Variants in PLXND1 observed in about 807,000 individuals in gnomAD.
PLXND1 encodes the protein plexin D1, also known as plexin-D1.
A neutral mutation model predicts 197.7 loss-of-function variants in PLXND1; 54 were observed. That is an observed-to-expected ratio of 0.27 (90% CI 0.22 to 0.34). The LOEUF (loss-of-function observed/expected upper bound fraction) is 0.34, where lower values mean the gene tolerates loss of function less well. Among genes scored for constraint, PLXND1 ranks in the 10% least tolerant of loss-of-function variants. PLXND1 has a pLI of 1.00. For missense variants in PLXND1, 2,127 were observed against 2,699.2 expected (o/e 0.79, Z 4.70); for synonymous variants, 1,180 against 1,161.2 (o/e 1.02, Z -0.33).
intron 1 of PLXND1, among the ~76,000 whole-genome samples, chr3:129,597,492 C>CA (rs1553793536): frequency 5.3e-5 from 8 of 152,092 alleles, no homozygotes; most frequent in South Asian, 2.1e-4. Context: ...GGCCCCCCCC[C>CA]ATTATTTACC....
At chr3:129,593,216 G>T (rs1244260623) in intron 1 of PLXND1, among the ~76,000 whole-genome samples, 1 of 152,006 alleles carries the variant, frequency 6.6e-6, no homozygotes, top group Non-Finnish European at 1.5e-5. Context: ...CGCATTCAAG[G>T]CCTTCGTGCC....
intron 1 of PLXND1, among the ~76,000 whole-genome samples, chr3:129,597,010 C>T (rs551703665): frequency 1.3e-5 from 2 of 152,366 alleles, no homozygotes; most frequent in Non-Finnish European, 2.9e-5. Flanking sequence ...AGTAACAGTT[C>T]GGTAGAGTGA....
chr3:129,562,611 T>C, intron 27 of PLXND1, 176 bp downstream of exon 27: 1 of 574,564 alleles, frequency 1.7e-6, no homozygotes, highest in Non-Finnish European at 3.0e-6. Flanking sequence ...TCACTCACAC[T>C]GCAGGACTTG....
chr3:129,569,786 G>T, intron 20 of PLXND1, 57 bp downstream of exon 20: 1 of 942,818 alleles, frequency 1.1e-6, no homozygotes, highest in Non-Finnish European at 1.7e-6. Context: ...CTTCAGAGGG[G>T]CTGGGGCAAG....
intron 2 of PLXND1, 36 bp downstream of exon 2, chr3:129,589,314 AC>A (rs770915612): frequency 4.5e-5 from 16 of 353,824 alleles, no homozygotes; most frequent in South Asian, 3.5e-4. Flanking sequence ...GGAGCCTCCC[AC>A]CCCCACCCCC....
intron 1 of PLXND1, among the ~76,000 whole-genome samples, chr3:129,596,904 C>G (rs1044697908): frequency 6.6e-6 from 1 of 152,144 alleles, no homozygotes; most frequent in African/African-American, 2.4e-5. Context: ...ATTCCATGAG[C>G]TGGGGACACA....
In PLXND1 at chr3:129,556,913, ACT is replaced by A. The variant is rs894202646; in HGVS notation, c.5586+168_5586+169del. The A allele has an allele frequency of 1.6e-4, 122 of 786,794 alleles. No homozygotes were observed. The African/African-American group carries it at 2.1e-3, about 13-fold the overall frequency. 48.7% of individuals were successfully genotyped at this position (786,794 alleles called of 1,614,324 possible). A position where few individuals can be genotyped will look rare whatever the true frequency, so the allele number is the denominator to read the frequency against. The stretch of plus-strand genomic sequence containing the variant: ...GTGCTCTCCTGCCCCCGCTCCTCAA[ACT>A]CTGGGAAAATGCATGACGAATTTGC... On this transcript the variant is annotated intron_variant, in intron 34 of 35. Transcript: ENST00000324093.
At chr3:129,566,130 AC>A in intron 23 of PLXND1, 113 bp from the exon 24 acceptor site, 3 of 1,087,324 alleles carry the variant, frequency 2.8e-6, no homozygotes, top group Non-Finnish European at 4.1e-6. Flanking sequence ...GGAGCTCATT[AC>A]CTTCCACGGT....
chr3:129,571,135 G>A lies in PLXND1; in HGVS notation c.3505C>T (p.Arg1169Cys), dbSNP rs144843366. The A allele has an allele frequency of 0.012, 19,638 of 1,614,198 alleles. 147 individuals are homozygous for A. The highest frequency in any genetic ancestry group is 0.014 in the Non-Finnish European group (16,484 of 1,180,034). ...TGTGGGTTGGGGAGGTAGTCCAGGC[G>A]GAACCTGCTGCCCCGCTGTGCCTCC... ...PEEAQRGSRF[R>C]LDYLPNPQFS... Residue 1169 changes from arginine (R) to cysteine (C), a missense_variant, in exon 18 of 36, where the codon CGC becomes TGC. Around this residue, in one of 6 missense-constraint regions of PLXND1, gnomAD observed 532 missense variants for 811.0 expected, o/e 0.66. Transcript: ENST00000324093.
At position 129,577,533 on chromosome 3, in the gene PLXND1, A is replaced by G. The variant is rs756566117; in HGVS notation, c.2346+796T>C. Among the ~76,000 whole-genome samples, 3 of 151,912 alleles carry G rather than the reference A, an allele frequency of 2.0e-5. No individual in the cohort carries two copies. The highest frequency in any genetic ancestry group is 6.5e-5 in the Admixed American group (1 of 15,280). Reference sequence around the variant, plus strand: ...CCAGCCCCTGCCACGAGGCTTCCCGACACATCCCAGATGCCCGGCACGTGG... The same window carrying G: ...CCAGCCCCTGCCACGAGGCTTCCCGGCACATCCCAGATGCCCGGCACGTGG... On this transcript the variant is annotated intron_variant, in intron 9 of 35. Transcript: ENST00000324093. This position sits in a 1 kb window ranked among gnomAD's most constrained non-coding sequence, Gnocchi z 5.0.
At position 129,605,664 on chromosome 3, in the gene PLXND1, C is replaced by A; in HGVS notation, c.976G>T (p.Gly326Cys). The part of the protein sequence containing the change: ...SLLARICLPH[G>C]AGGDAKKLTE... ...AGCTTCTTGGCGTCGCCGCCGGCGCCGTGGGGCAGGCAGATGCGCGCCAGC... is the reference window on the plus strand; with the variant it reads ...AGCTTCTTGGCGTCGCCGCCGGCGCAGTGGGGCAGGCAGATGCGCGCCAGC... Residue 326 changes from glycine (G) to cysteine (C), a missense_variant, in exon 1 of 36, where the codon GGC becomes TGC. Physicochemically the swap from Gly to Cys is radical, Grantham distance 159. Transcript: ENST00000324093. 1 of 1,537,342 alleles carries A rather than the reference C, an allele frequency of 6.5e-7. No homozygotes were observed. Among genetic ancestry groups the A allele is most frequent in the Non-Finnish European group, 8.7e-7 (1 of 1,145,282 alleles).
At chr3:129,601,285 C>G (rs2085704279) in intron 1 of PLXND1, among the ~76,000 whole-genome samples, 1 of 152,198 alleles carries the variant, frequency 6.6e-6, no homozygotes, top group African/African-American at 2.4e-5. Context: ...CCGAGGTTCT[C>G]TGCCTCTGGC....
intron 34 of PLXND1, 159 bp downstream of exon 34, chr3:129,556,924 A>G: frequency 1.2e-6 from 1 of 817,254 alleles, no homozygotes; most frequent in South Asian, 1.7e-5. Context: ...CTCTGGGAAA[A>G]TGCATGACGA....
Position 129,571,236 on chromosome 3 carries a change from G to C in PLXND1, c.3404C>G (p.Ala1135Gly). 1.2e-6 allele frequency: 2 copies of C among 1,614,006 alleles called. No individual in the cohort carries two copies. Among genetic ancestry groups the C allele is most frequent in the Non-Finnish European group, 1.7e-6 (2 of 1,179,906 alleles). Residue 1135 changes from alanine (A) to glycine (G), a missense_variant, in exon 18 of 36, where the codon GCG becomes GGG. By Grantham distance (60) the Ala-to-Gly change is moderately conservative (BLOSUM62 0). Transcript: ENST00000324093. The stretch of plus-strand genomic sequence containing the variant: ...CCCATTGATGAAGAAGTCCACTGGC[G>C]CTGATGCGTTGCTCAGGGCCCCGGG... ...PSPGALSNAS[A>G]PVDFFINGRA...
intron 8 of PLXND1, 85 bp from the exon 9 acceptor site, chr3:129,578,518 T>TA: frequency 1.3e-6 from 1 of 790,520 alleles, no homozygotes; most frequent in Non-Finnish European, 2.1e-6. Flanking sequence ...GCCTGCCTGG[T>TA]TCAGTCCTGC....
intron 1 of PLXND1, among the ~76,000 whole-genome samples, chr3:129,589,796 G>A (rs2085512110): frequency 6.6e-6 from 1 of 152,136 alleles, no homozygotes; most frequent in Non-Finnish European, 1.5e-5. Flanking sequence ...ACAAGGTCAG[G>A]TTTGATTTTA....
intron 29 of PLXND1, 104 bp downstream of exon 29, chr3:129,561,542 G>C (rs954546768): frequency 1.1e-6 from 1 of 878,602 alleles, no homozygotes; most frequent in Non-Finnish European, 1.8e-6. Context: ...CCTCAGCCCA[G>C]GCCAGCCCTG....
At chr3:129,604,796 G>A (rs953574920) in intron 1 of PLXND1, among the ~76,000 whole-genome samples, 2 of 152,202 alleles carry the variant, frequency 1.3e-5, no homozygotes, top group Admixed American at 6.5e-5. Flanking sequence ...TGCCCTGTGC[G>A]TCTTCAGGCC....
In PLXND1 at chr3:129,573,679, G is replaced by C. The variant is rs1393030164; in HGVS notation, c.2752C>G (p.Arg918Gly). ...LLTIRGRNLG[R>G]RLSDVAHGVW... Reference sequence around the variant, plus strand: ...CCGTGGGCCACGTCACTGAGCCGCCGGCCCAGGTTCCTTCCTCGGATGGTC... The same window carrying C: ...CCGTGGGCCACGTCACTGAGCCGCCCGCCCAGGTTCCTTCCTCGGATGGTC... Residue 918 changes from arginine to glycine, a missense_variant, in exon 13 of 36, where the codon CGG becomes GGG. Physicochemically the swap from Arg to Gly is moderately radical, Grantham distance 125. This residue lies in a region of PLXND1 where 1,095 missense variants were observed against 1,259.8 expected (regional missense o/e 0.87). Coordinates refer to ENST00000324093, the MANE Select transcript of PLXND1 (RefSeq NM_015103.3). The C allele has an allele frequency of 4.3e-6, 7 of 1,613,604 alleles. No individual in the cohort carries two copies. Among genetic ancestry groups the C allele is most frequent in the Non-Finnish European group, 5.9e-6 (7 of 1,180,030 alleles).
Sources: gnomAD v4.1 joint callset for allele counts (sites outside exome capture counted in the v4.1 genomes callset) on GRCh38, gnomAD v4.1.1 for gene constraint, gnomAD v4.1.1 regional missense constraint, Gnocchi (gnomAD v3.1) non-coding constraint, MANE v1.5 for transcripts, NCBI Gene and HGNC (gene_info 2026-07-23, HGNC 2026-07-21) for gene names.